Variants in B3GALNT2 observed in about 807,000 individuals in gnomAD.
B3GALNT2 encodes the protein beta-1,3-N-acetylgalactosaminyltransferase 2, also known as UDP-GalNAc:beta-1,3-N-acetylgalactosaminyltransferase 2.
A neutral mutation model predicts 61.1 loss-of-function variants in B3GALNT2; 53 were observed. The ratio of observed to expected loss-of-function variants is 0.87; its 90% CI spans 0.70 to 1.09. The LOEUF (loss-of-function observed/expected upper bound fraction) is 1.09, where lower values mean the gene tolerates loss of function less well. Among genes scored for constraint, B3GALNT2 ranks in the 50% least tolerant of loss-of-function variants. B3GALNT2 has a pLI of 0.00. For missense variants in B3GALNT2, 544 were observed against 623.0 expected (o/e 0.87, Z 1.35); for synonymous variants, 223 against 237.4 (o/e 0.94, Z 0.56).
intron 1 of B3GALNT2, among the ~76,000 whole-genome samples, chr1:235,495,579 G>C (rs1395081107): frequency 6.6e-6 from 1 of 151,922 alleles, no homozygotes; most frequent in Non-Finnish European, 1.5e-5. Context: ...CATTCTGAAC[G>C]GCTCATTTTT....
At chr1:235,473,386 A>G (rs1684096214) in intron 5 of B3GALNT2, among the ~76,000 whole-genome samples, 1 of 152,244 alleles carries the variant, frequency 6.6e-6, no homozygotes, top group Admixed American at 6.5e-5. Context: ...GATAGCATAT[A>G]TACTTAGGAT....
intron 1 of B3GALNT2, among the ~76,000 whole-genome samples, chr1:235,499,224 T>C (rs1216589974): frequency 6.6e-6 from 1 of 152,232 alleles, no homozygotes; most frequent in African/African-American, 2.4e-5. Context: ...ATAGGAACTA[T>C]GTAGATACTA....
chr1:235,471,943 A>G (rs1422847626), intron 5 of B3GALNT2, among the ~76,000 whole-genome samples: 1 of 151,806 alleles, frequency 6.6e-6, no homozygotes, highest in Non-Finnish European at 1.5e-5. Context: ...GATTACAGGC[A>G]TGAGCCACGG....
chr1:235,460,219 T>C (rs542817365), intron 7 of B3GALNT2, among the ~76,000 whole-genome samples: 1 of 152,174 alleles, frequency 6.6e-6, no homozygotes, highest in Admixed American at 6.5e-5. Flanking sequence ...GTTCAAGCAT[T>C]CTCCTGTCTC....
At chr1:235,466,053 C>T (rs914348100) in intron 6 of B3GALNT2, among the ~76,000 whole-genome samples, 27 of 151,992 alleles carry the variant, frequency 1.8e-4, no homozygotes, top group African/African-American at 5.6e-4. Context: ...ATATGTATTA[C>T]GACCTTTGAT....
intron 5 of B3GALNT2, among the ~76,000 whole-genome samples, chr1:235,478,278 C>G (rs191126560): frequency 1.3e-5 from 2 of 152,286 alleles, no homozygotes; most frequent in Admixed American, 1.3e-4. Flanking sequence ...GTCTTGAACT[C>G]CTCACCTTGT....
In B3GALNT2 at chr1:235,448,073, G is replaced by A. The variant is rs975348783; in HGVS notation, c.*2133C>T. ...AAAATACAAAAGTTAGCTGGGTGTG[G>A]TGATGGGCACCAGCTACTCAGGAGG... is the stretch of plus-strand genomic sequence containing the variant. On this transcript the variant is annotated 3_prime_UTR_variant, in exon 12 of 12. Transcript: ENST00000366600. 6.6e-6 allele frequency among the ~76,000 whole-genome samples: 1 copy of A among 152,078 alleles called. No individual in the cohort carries two copies. Among genetic ancestry groups the A allele is most frequent in the Non-Finnish European group, 1.5e-5 (1 of 68,010 alleles).
intron 5 of B3GALNT2, among the ~76,000 whole-genome samples, chr1:235,474,697 C>T (rs984531280): frequency 2.0e-5 from 3 of 151,238 alleles, no homozygotes; most frequent in African/African-American, 7.3e-5. Flanking sequence ...GGCAGGCACT[C>T]GTAATCCCAG....
At chr1:235,493,896 G>C (rs1030436199) in intron 2 of B3GALNT2, among the ~76,000 whole-genome samples, 1 of 152,060 alleles carries the variant, frequency 6.6e-6, no homozygotes, top group Non-Finnish European at 1.5e-5. Context: ...CACATACATA[G>C]AAGTCAACTT....
intron 2 of B3GALNT2, among the ~76,000 whole-genome samples, chr1:235,491,319 G>A (rs1352990549): frequency 6.6e-6 from 1 of 152,130 alleles, no homozygotes; most frequent in South Asian, 2.1e-4. Context: ...CAACAAAAGC[G>A]TTCTATGAGA....
intron 5 of B3GALNT2, among the ~76,000 whole-genome samples, chr1:235,475,497 C>T (rs530892919): frequency 1.6e-4 from 24 of 152,178 alleles, no homozygotes; most frequent in Admixed American, 1.2e-3. Flanking sequence ...AACTTCCTCT[C>T]GCAAATGGAA....
chr1:235,450,123 G>T lies in B3GALNT2; in HGVS notation c.*83C>A, dbSNP rs539661396. ...CTCTTGAAAGACCATACAGTCTACT[G>T]CTAAACCCTGGGACTCCTCAGACTT... On this transcript the variant is annotated 3_prime_UTR_variant, in exon 12 of 12. Coordinates refer to ENST00000366600, the MANE Select transcript of B3GALNT2 (RefSeq NM_152490.5). The T allele has an allele frequency of 1.6e-4, 243 of 1,530,556 alleles. No individual in the cohort carries two copies. In the Middle Eastern group the frequency reaches 2.4e-3, roughly 15 times the overall value. The allele number at this position is 1,530,556 out of a possible 1,614,324, so 94.8% of individuals were successfully genotyped here.
rs1271245109 is a variant in B3GALNT2, at chr1:235,474,971, ATATATATATATATATATTTT to A, written c.652-4031_652-4012del. Among the ~76,000 whole-genome samples, 17 of 30,100 alleles carry A rather than the reference ATATATATATATATATATTTT, an allele frequency of 5.6e-4. 2 individuals are homozygous for A. Among genetic ancestry groups the A allele is most frequent in the Admixed American group, 7.5e-4 (2 of 2,654 alleles). The allele number at this position is 30,100 out of a possible 152,430, so 19.7% of individuals were successfully genotyped here. On this transcript the variant is annotated intron_variant, in intron 5 of 11. Coordinates refer to ENST00000366600, the MANE Select transcript of B3GALNT2 (RefSeq NM_152490.5). The stretch of plus-strand genomic sequence containing the variant: ...GAGACATATATATATATATATATAT[ATATATATATATATATATTTT>A]TTTTTTTTTTTTTTTTTTTGAGACG...
rs892392507 is a variant in B3GALNT2, at chr1:235,452,995, G to T, written c.1368+95C>A. 4.6e-6 allele frequency: 5 copies of T among 1,085,898 alleles called. No individual in the cohort carries two copies. The African/African-American group carries it at 8.0e-5, about 17-fold the overall frequency. The allele number at this position is 1,085,898 out of a possible 1,614,324, so 67.3% of individuals were successfully genotyped here. Reference sequence around the variant, plus strand: ...AAAATCTGAAATCCTAAATACTTCTGGTCCCAGGCATTTTGGATAAAGAAC... The same window carrying T: ...AAAATCTGAAATCCTAAATACTTCTTGTCCCAGGCATTTTGGATAAAGAAC... On this transcript the variant is annotated intron_variant, in intron 11 of 11. Transcript: ENST00000366600.
downstream of B3GALNT2, among the ~76,000 whole-genome samples, chr1:235,445,511 C>T (rs753778713): frequency 1.3e-5 from 2 of 152,096 alleles, no homozygotes; most frequent in Non-Finnish European, 2.9e-5. Flanking sequence ...TGGTGCATGC[C>T]TGTAGTCCCA....
At chr1:235,458,906 TGGAACTTTAG>T in intron 7 of B3GALNT2, 120 bp from the exon 8 acceptor site, 1 of 929,284 alleles carries the variant, frequency 1.1e-6, no homozygotes, top group Non-Finnish European at 1.5e-6. Flanking sequence ...TGCAGTTGTT[TGGAACTTTAG>T]GTAGAAAAAT....
chr1:235,489,062 T>C (rs1400348450), intron 3 of B3GALNT2, 106 bp downstream of exon 3: 1 of 1,362,328 alleles, frequency 7.3e-7, no homozygotes, highest in African/African-American at 1.5e-5. Flanking sequence ...AAACACATAA[T>C]AAAATAAAAT....
chr1:235,483,186 TGA>T (rs1242497920), intron 4 of B3GALNT2, among the ~76,000 whole-genome samples: 1 of 152,096 alleles, frequency 6.6e-6, no homozygotes, highest in Non-Finnish European at 1.5e-5. Context: ...TCACTAAACT[TGA>T]ATACAGATGA....
chr1:235,503,978 G>A (rs1467030675), intron 1 of B3GALNT2, among the ~76,000 whole-genome samples, 163 bp downstream of exon 1: 1 of 152,226 alleles, frequency 6.6e-6, no homozygotes, highest in Non-Finnish European at 1.5e-5. Flanking sequence ...AAGTTTGCCC[G>A]ATGTTAACGC....
Sources: gnomAD v4.1 joint callset for allele counts (sites outside exome capture counted in the v4.1 genomes callset) on GRCh38, gnomAD v4.1.1 for gene constraint, MANE v1.5 for transcripts, NCBI Gene and HGNC (gene_info 2026-07-23, HGNC 2026-07-21) for gene names.